The following SLC28A1 variants were observed in gnomAD, a reference collection of about 807,000 sequenced individuals.
The protein encoded by SLC28A1 is sodium/nucleoside cotransporter 1.
SLC28A1 carries 64 observed loss-of-function variants against 74.8 expected under a neutral mutation model. The observed-to-expected ratio is 0.86, with a 90% CI of 0.70 to 1.05. The LOEUF is 1.05. Among genes scored for constraint, SLC28A1 ranks in the 50% least tolerant of loss-of-function variants. SLC28A1 has a pLI of 0.00. For missense variants in SLC28A1, 828 were observed against 822.8 expected (o/e 1.01, Z -0.08); for synonymous variants, 359 against 335.0 (o/e 1.07, Z -0.78).
chr15:84,973,093 C>G, the SLC28A1 span, among the ~76,000 whole-genome samples: 1 of 152,184 alleles, frequency 6.6e-6, no homozygotes, highest in Non-Finnish European at 1.5e-5. Context: ...TCCACCTCTT[C>G]CACCTCATTT....
chr15:84,924,523 TC>T (rs1970246845), intron 12 of SLC28A1, among the ~76,000 whole-genome samples: 1 of 152,084 alleles, frequency 6.6e-6, no homozygotes, highest in Non-Finnish European at 1.5e-5. Context: ...CTCCTCCCTT[TC>T]CCCACACTCT....
rs115518724 is a variant in SLC28A1 at position 84,898,690 on chromosome 15, A to C, written c.461+3567A>C. On this transcript the variant is annotated intron_variant, in intron 6 of 18. Coordinates refer to ENST00000394573, the MANE Select transcript of SLC28A1 (RefSeq NM_004213.5). ...ACAGCTAAAAAACTGGAATGAATAC[A>C]TGAGACAAGAGCTCTTAGATGTTGG... Among the ~76,000 whole-genome samples, 684 of 152,288 alleles carry C rather than the reference A, an allele frequency of 4.5e-3. 2 individuals are homozygous for C. Among genetic ancestry groups the C allele is most frequent in the African/African-American group, 0.016 (651 of 41,568 alleles).
Position 84,886,748 on chromosome 15 carries a change from T to C in SLC28A1, c.-56T>C. On this transcript the variant is annotated 5_prime_UTR_variant, in exon 2 of 19. Transcript: ENST00000394573. ...AGCTTGTCCCCACAGAGACGTGTGCTTCCCTCTCTCTCTGAGAGCGACCTG... is the reference window on the plus strand; with the variant it reads ...AGCTTGTCCCCACAGAGACGTGTGCCTCCCTCTCTCTCTGAGAGCGACCTG... The C allele has an allele frequency of 2.0e-6, 2 of 985,446 alleles. No homozygotes were observed. The highest frequency in any genetic ancestry group is 2.4e-6 in the Non-Finnish European group (2 of 829,936). The allele number at this position is 985,446 out of a possible 1,614,324, so 61.0% of individuals were successfully genotyped here.
chr15:84,909,567 T>A (rs1185730206), intron 9 of SLC28A1, among the ~76,000 whole-genome samples: 1 of 152,234 alleles, frequency 6.6e-6, no homozygotes, highest in African/African-American at 2.4e-5. Context: ...GCTGTGGTTG[T>A]ATTCTTTTTT....
At chr15:84,929,341 T>C (rs1252981030) in intron 12 of SLC28A1, among the ~76,000 whole-genome samples, 1 of 151,832 alleles carries the variant, frequency 6.6e-6, no homozygotes, top group Non-Finnish European at 1.5e-5. Context: ...GGTCAGGAGT[T>C]CAAGACCAGC....
the SLC28A1 span, among the ~76,000 whole-genome samples, chr15:84,969,678 CT>C: frequency 6.6e-6 from 1 of 152,180 alleles, no homozygotes; most frequent in Admixed American, 6.5e-5. Context: ...TCTTTTGTAT[CT>C]GTGAGAAGCT....
chr15:84,945,956 C>T (rs1396765165), downstream of SLC28A1, among the ~76,000 whole-genome samples: 1 of 149,892 alleles, frequency 6.7e-6, no homozygotes, highest in African/African-American at 2.5e-5. Context: ...ACCTCTCAGG[C>T]TCAAGTGATC....
At chr15:84,960,342 G>A in the SLC28A1 span, among the ~76,000 whole-genome samples, 1 of 136,360 alleles carries the variant, frequency 7.3e-6, no homozygotes, top group Admixed American at 8.3e-5. Flanking sequence ...TGCAACCTCC[G>A]CCCCTGCTGA....
chr15:84,903,223 T>C (rs1966840341), intron 6 of SLC28A1, among the ~76,000 whole-genome samples: 1 of 152,216 alleles, frequency 6.6e-6, no homozygotes, highest in South Asian at 2.1e-4. Context: ...CTCCTGCTTA[T>C]CAGCTAGGAC....
intron 3 of SLC28A1, 151 bp downstream of exon 3, chr15:84,888,007 T>G (rs893533821): frequency 1.5e-6 from 1 of 666,778 alleles, no homozygotes; most frequent in African/African-American, 1.8e-5. Context: ...GTTATGAACC[T>G]CCCAGTGTGT....
intron 9 of SLC28A1, among the ~76,000 whole-genome samples, chr15:84,914,585 G>A (rs536965716): frequency 1.3e-5 from 2 of 152,260 alleles, no homozygotes; most frequent in African/African-American, 2.4e-5. Context: ...GTGAAGTGGC[G>A]ACAGTTACAT....
chr15:84,954,110 G>A, the SLC28A1 span, among the ~76,000 whole-genome samples: 1 of 152,176 alleles, frequency 6.6e-6, no homozygotes, highest in Admixed American at 6.5e-5. Context: ...AGCTAGTTGT[G>A]GCAAAGAAAG....
At chr15:84,946,085 CATATATATAT>C (rs1352839442), downstream of SLC28A1, among the ~76,000 whole-genome samples, 3 of 23,952 alleles carry the variant, frequency 1.3e-4, no homozygotes, top group African/African-American at 3.5e-4. Context: ...TGTGTATGTT[CATATATATAT>C]ATATATATAT....
Position 84,935,194 on chromosome 15 carries a change from G to C in SLC28A1, c.1383G>C (p.Gln461His), listed in dbSNP as rs371536199. ...DMVDIQGLSF[Q>H]LICSYILRPV... is the part of the protein sequence containing the mutation. ...TGGACATCCAAGGGCTCAGCTTCCAGGTGCGTTTCTGGCCACCACACTCAG... is the reference window on the plus strand; with the variant it reads ...TGGACATCCAAGGGCTCAGCTTCCACGTGCGTTTCTGGCCACCACACTCAG... Residue 461 changes from glutamine (Q) to histidine (H), a missense_variant and splice_region_variant, in exon 14 of 19, where the codon CAG becomes CAC. By Grantham distance (24) the Gln-to-His change is conservative. Around this residue, in one of 3 missense-constraint regions of SLC28A1, gnomAD observed 767 missense variants for 753.5 expected, o/e 1.02. Coordinates refer to ENST00000394573, the MANE Select transcript of SLC28A1 (RefSeq NM_004213.5). 2 of 1,613,868 alleles carry C rather than the reference G, an allele frequency of 1.2e-6. No homozygotes were observed. Among genetic ancestry groups the C allele is most frequent in the African/African-American group, 2.7e-5 (2 of 74,914 alleles).
chr15:84,937,353 G>A (rs1434172946), intron 15 of SLC28A1, among the ~76,000 whole-genome samples: 2 of 152,120 alleles, frequency 1.3e-5, no homozygotes, highest in East Asian at 3.8e-4. Flanking sequence ...ACTCCCACAT[G>A]AGTCTTCACG....
At chr15:84,920,324 T>C (rs2141907718) in intron 10 of SLC28A1, among the ~76,000 whole-genome samples, 1 of 152,292 alleles carries the variant, frequency 6.6e-6, no homozygotes, top group Admixed American at 6.5e-5. Flanking sequence ...CGAGTGCCTG[T>C]AGTCCCAACT....
In SLC28A1 at chr15:84,933,130, C is replaced by G; in HGVS notation, c.1084-15C>G. On this transcript the variant is annotated splice_polypyrimidine_tract_variant and intron_variant, in intron 12 of 18. Coordinates refer to ENST00000394573, the MANE Select transcript of SLC28A1 (RefSeq NM_004213.5). ...TCTGACTGTCCACCTAGAACCTGCA[C>G]TCTCACTCTTGCAGATCGATGCCAC... The G allele has an allele frequency of 6.2e-7, 1 of 1,612,590 alleles. No individual in the cohort carries two copies. Among genetic ancestry groups the G allele is most frequent in the South Asian group, 1.1e-5 (1 of 90,842 alleles).
At chr15:84,974,934 C>T in the SLC28A1 span, among the ~76,000 whole-genome samples, 3 of 152,242 alleles carry the variant, frequency 2.0e-5, no homozygotes, top group South Asian at 6.2e-4. Flanking sequence ...GCCTGGGGCT[C>T]AGCCATTAAC....
the SLC28A1 span, among the ~76,000 whole-genome samples, chr15:84,971,098 T>C: frequency 6.6e-6 from 1 of 152,202 alleles, no homozygotes; most frequent in Non-Finnish European, 1.5e-5. Flanking sequence ...CTGGCAGTGA[T>C]ACCATCTGCA....
Sources: allele counts gnomAD v4.1 joint callset (sites outside exome capture counted in the v4.1 genomes callset), GRCh38; gene constraint gnomAD v4.1.1; regional missense constraint gnomAD v4.1.1; transcripts MANE v1.5; gene names NCBI Gene and HGNC (gene_info 2026-07-23, HGNC 2026-07-21).